The following XRRA1 variants were observed in gnomAD, a reference collection of about 807,000 sequenced individuals.
XRRA1 encodes X-ray radiation resistance-associated protein 1.
A neutral mutation model predicts 80.2 loss-of-function variants in XRRA1; 69 were observed. The observed-to-expected ratio is 0.86, with a 90% CI of 0.71 to 1.05. The LOEUF (loss-of-function observed/expected upper bound fraction) is 1.05. Among genes scored for constraint, XRRA1 ranks in the 50% least tolerant of loss-of-function variants. XRRA1 has a pLI of 0.00. For synonymous variants in XRRA1, 348 were observed against 389.9 expected, an observed-to-expected ratio of 0.89 and a Z score of 1.27; for missense variants, 967 against 976.4, an observed-to-expected ratio of 0.99 and a Z score of 0.13.
In XRRA1 at chr11:74,843,320, C is replaced by G; in HGVS notation, c.2283G>C (p.Gly761=). 3 of 1,606,764 alleles carry G rather than the reference C, an allele frequency of 1.9e-6. No individual in the cohort carries two copies. The highest frequency in any genetic ancestry group is 2.5e-6 in the Non-Finnish European group (3 of 1,176,846). ...LVSGSLRTVF[G]TTPLPMACPA... ...GGCAGGCCATGGGGAGCGGGGTAGT[C>G]CCGAACACTGTGCGCAGAGAGCCAC... is the stretch of plus-strand genomic sequence containing the variant. Residue 761 remains glycine, a synonymous_variant, in exon 19 of 19, where the codon GGG becomes GGC. Coordinates refer to ENST00000684022, the MANE Select transcript of XRRA1 (RefSeq NM_001378157.1).
At chr11:74,847,124 C>T (rs564664514) in intron 15 of XRRA1, among the ~76,000 whole-genome samples, 2 of 152,164 alleles carry the variant, frequency 1.3e-5, no homozygotes, top group South Asian at 4.1e-4. Context: ...CAAATTGTTT[C>T]TTTTAAAATG....
At chr11:74,917,698 C>T (rs117042741) in intron 8 of XRRA1, among the ~76,000 whole-genome samples, 4,389 of 152,250 alleles carry the variant, frequency 0.029, 111 homozygotes, top group Non-Finnish European at 0.044. Flanking sequence ...ATGAAAGTAG[C>T]TCCTCTTACA....
intron 9 of XRRA1, 33 bp from the exon 10 acceptor site, chr11:74,906,489 G>A: frequency 6.2e-7 from 1 of 1,605,680 alleles, no homozygotes; most frequent in South Asian, 1.1e-5. Flanking sequence ...TAGAATCATA[G>A]CAATAATGAT....
chr11:74,869,114 T>C (rs756299153), intron 10 of XRRA1, among the ~76,000 whole-genome samples: 2 of 151,724 alleles, frequency 1.3e-5, no homozygotes, highest in South Asian at 2.1e-4. Flanking sequence ...CAATCCTCAG[T>C]ACAATTTTAA....
intron 7 of XRRA1, among the ~76,000 whole-genome samples, chr11:74,923,807 T>C (rs899686994): frequency 2.0e-5 from 3 of 152,218 alleles, no homozygotes; most frequent in Non-Finnish European, 4.4e-5. Context: ...GCTGACCTAC[T>C]GCTATTTTGT....
intron 14 of XRRA1, 74 bp downstream of exon 14, chr11:74,851,012 CAG>C: frequency 8.9e-7 from 1 of 1,127,400 alleles, no homozygotes; most frequent in South Asian, 1.6e-5. Context: ...AGCAGCTCTA[CAG>C]CCAGGTTGGT....
chr11:74,847,011 CTTT>C (rs2135411160), intron 15 of XRRA1, among the ~76,000 whole-genome samples: 1 of 151,894 alleles, frequency 6.6e-6, no homozygotes, highest in East Asian at 1.9e-4. Context: ...GTCAAAACAC[CTTT>C]ATTATAATAG....
At chr11:74,844,961 C>G in intron 16 of XRRA1, 112 bp downstream of exon 16, 1 of 1,061,360 alleles carries the variant, frequency 9.4e-7, no homozygotes, top group East Asian at 2.4e-5. Context: ...AGACAGAGGA[C>G]AGCACCCTAG....
At chr11:74,849,977 A>G (rs187757739) in intron 14 of XRRA1, among the ~76,000 whole-genome samples, 3 of 152,212 alleles carry the variant, frequency 2.0e-5, no homozygotes, top group East Asian at 1.9e-4. Context: ...AGGCATCCCC[A>G]GTCTGACTCA....
At position 74,843,923 on chromosome 11, in the gene XRRA1, T is replaced by A; in HGVS notation, c.2080A>T (p.Arg694Ter). ...AAGATGTCATCCAGAAGTTGGGCTC[T>A]AGTCTTCTTTGGGGGTGGAATCGGG... is the stretch of plus-strand genomic sequence containing the variant. ...RIPIPPPKKT[R>*]AQLLDDIFIR... The change falls in exon 18 of 19, where the codon AGA becomes TGA. Residue 694 changes from arginine (R) to a stop codon, truncating the protein, a stop_gained. Coordinates refer to ENST00000684022, the MANE Select transcript of XRRA1 (RefSeq NM_001378157.1). LOFTEE classifies it high-confidence loss of function. 6.2e-7 allele frequency: 1 copy of A among 1,613,616 alleles called. No homozygotes were observed. Among genetic ancestry groups the A allele is most frequent in the East Asian group, 2.2e-5 (1 of 44,864 alleles).
intron 14 of XRRA1, among the ~76,000 whole-genome samples, chr11:74,850,449 CG>C (rs1050536348): frequency 7.9e-5 from 12 of 152,254 alleles, no homozygotes; most frequent in Middle Eastern, 3.4e-3. Flanking sequence ...TGGACAGAGG[CG>C]GGCTGCAGAG....
chr11:74,873,806 G>C (rs2045436449), intron 10 of XRRA1, among the ~76,000 whole-genome samples: 1 of 152,062 alleles, frequency 6.6e-6, no homozygotes, highest in Admixed American at 6.6e-5. Context: ...AGAGCATTAG[G>C]GGAAGAAAGG....
At chr11:74,897,227 ATATAC>A (rs1565355106) in intron 10 of XRRA1, among the ~76,000 whole-genome samples, 1 of 152,074 alleles carries the variant, frequency 6.6e-6, no homozygotes, top group Non-Finnish European at 1.5e-5. Flanking sequence ...AATGTAATTG[ATATAC>A]TAAAGAATGC....
intron 12 of XRRA1, among the ~76,000 whole-genome samples, chr11:74,855,532 C>G (rs185551753): frequency 6.6e-6 from 1 of 152,220 alleles, no homozygotes; most frequent in African/African-American, 2.4e-5. Context: ...AGCCTGTTCT[C>G]TCTCGGGTGA....
At chr11:74,915,495 C>A (rs1346688005) in intron 8 of XRRA1, among the ~76,000 whole-genome samples, 2 of 152,162 alleles carry the variant, frequency 1.3e-5, no homozygotes, top group Non-Finnish European at 2.9e-5. Context: ...CTGGTTATGA[C>A]CCTTGCTGAG....
At chr11:74,882,999 C>G (rs927191732) in intron 10 of XRRA1, among the ~76,000 whole-genome samples, 2 of 152,240 alleles carry the variant, frequency 1.3e-5, no homozygotes, top group Non-Finnish European at 2.9e-5. Flanking sequence ...GTGGAGCCTA[C>G]AGAGACAGGC....
At position 74,921,419 on chromosome 11, in the gene XRRA1, A is replaced by G. The variant is rs1940761987; in HGVS notation, c.523-72T>C. On this transcript the variant is annotated intron_variant, in intron 7 of 18. Transcript: ENST00000684022. ...CAACAATGCTCATATATGATGTGGG[A>G]GCTACTTTCTAGAGTGCCCCATCGC... is the stretch of plus-strand genomic sequence containing the variant. 2.5e-6 allele frequency: 4 copies of G among 1,584,350 alleles called. No homozygotes were observed. In the Admixed American group the frequency reaches 5.1e-5, roughly 20 times the overall value.
chr11:74,844,029 C>T lies in XRRA1; in HGVS notation c.2044-70G>A, dbSNP rs116457528. 6.3e-4 allele frequency: 952 copies of T among 1,501,700 alleles called. 7 individuals carry two copies. In the African/African-American group the frequency reaches 0.012, roughly 19 times the overall value. The allele number at this position is 1,501,700 out of a possible 1,614,324, so 93.0% of individuals were successfully genotyped here. A position where few individuals can be genotyped will look rare whatever the true frequency, so the allele number is the denominator to read the frequency against. On this transcript the variant is annotated intron_variant, in intron 17 of 18. Transcript: ENST00000684022. ...CAGACTTCCCTGGCCTAACTTCATA[C>T]AGTCACAGCAACAGGCTGGGGGGCA...
At chr11:74,914,948 T>C (rs1938096436) in intron 8 of XRRA1, among the ~76,000 whole-genome samples, 1 of 152,202 alleles carries the variant, frequency 6.6e-6, no homozygotes, top group African/African-American at 2.4e-5. Flanking sequence ...GCTGTACTGC[T>C]ACCTCTTCAT....
Sources: gnomAD v4.1 joint callset for allele counts (sites outside exome capture counted in the v4.1 genomes callset) on GRCh38, gnomAD v4.1.1 for gene constraint, MANE v1.5 for transcripts, NCBI Gene and HGNC (gene_info 2026-07-23, HGNC 2026-07-21) for gene names.